Variants in TBKBP1 observed in about 807,000 individuals in gnomAD.
TBKBP1 encodes the protein TANK-binding kinase 1-binding protein 1.
Under a neutral mutation model 69.9 loss-of-function variants are expected in TBKBP1, and 47 were observed. The ratio of observed to expected loss-of-function variants is 0.67; its 90% CI spans 0.53 to 0.86. The LOEUF (loss-of-function observed/expected upper bound fraction) is 0.86. Among genes scored for constraint, TBKBP1 ranks in the 40% least tolerant of loss-of-function variants. The probability of loss-of-function intolerance (pLI) is 0.00; values close to 1 mark genes in which losing one functional copy is unlikely to be tolerated. For synonymous variants in TBKBP1, 418 were observed against 390.3 expected (o/e 1.07, Z -0.84); for missense variants, 831 against 858.6 (o/e 0.97, Z 0.40).
At position 47,696,093 on chromosome 17, in the gene TBKBP1, G is replaced by C; in HGVS notation, c.-20G>C. ...TGCTCTCCTAGGAGGCCCCGTGTGG[G>C]CCGCGGCCCGGCCCTCACCATGGAG... On this transcript the variant is annotated 5_prime_UTR_variant, in exon 2 of 10. Coordinates refer to ENST00000578982, the MANE Select transcript of TBKBP1 (RefSeq NM_001394755.1). 1 of 1,590,806 alleles carries C rather than the reference G, an allele frequency of 6.3e-7. No individual in the cohort carries two copies.
At chr17:47,701,381 T>A (rs9894233) in intron 7 of TBKBP1, among the ~76,000 whole-genome samples, 18,258 of 94,814 alleles carry the variant, frequency 0.19, 2,102 homozygotes, top group African/African-American at 0.4. Flanking sequence ...ACACACACTC[T>A]CTCTCTCTCT....
chr17:47,696,359 C>T lies in TBKBP1; in HGVS notation c.225+22C>T, dbSNP rs73315902. 128 of 1,608,044 alleles carry T rather than the reference C, an allele frequency of 8.0e-5. No homozygotes were observed. In the African/African-American group the frequency reaches 1.5e-3, roughly 18 times the overall value. ...CAAGGTCAGAACTTGGAGAGGAGGG[C>T]GCCTGATAGAGTGTATGGGATGGGG... On this transcript the variant is annotated intron_variant, in intron 2 of 9. Coordinates refer to ENST00000578982, the MANE Select transcript of TBKBP1 (RefSeq NM_001394755.1).
chr17:47,699,706 C>T lies in TBKBP1; in HGVS notation c.872+9C>T, dbSNP rs1340295906. On this transcript the variant is annotated intron_variant, in intron 7 of 9. Coordinates refer to ENST00000578982, the MANE Select transcript of TBKBP1 (RefSeq NM_001394755.1). ...AGAGTTGGGGATGATCAGTAAGTCA[C>T]ATTGGTAACCCTGGTCCCTCCGTGA... 6 of 1,613,858 alleles carry T rather than the reference C, an allele frequency of 3.7e-6. No individual in the cohort carries two copies. The highest frequency in any genetic ancestry group is 5.1e-6 in the Non-Finnish European group (6 of 1,179,896).
chr17:47,703,706 C>A (rs1177893839), intron 7 of TBKBP1, among the ~76,000 whole-genome samples: 1 of 152,228 alleles, frequency 6.6e-6, no homozygotes, highest in African/African-American at 2.4e-5. Flanking sequence ...AAGTTTCCCC[C>A]CTTCTCCACC....
chr17:47,696,417 T>A, intron 2 of TBKBP1, 80 bp downstream of exon 2: 1 of 1,481,206 alleles, frequency 6.8e-7, no homozygotes, highest in Non-Finnish European at 9.2e-7. Flanking sequence ...ATACCAGGGA[T>A]CCAAAAGAGG....
chr17:47,703,762 G>A (rs1555622826), intron 7 of TBKBP1, among the ~76,000 whole-genome samples: 3 of 148,470 alleles, frequency 2.0e-5, no homozygotes, highest in Middle Eastern at 3.4e-3. Context: ...TTTTGTCCAT[G>A]CCAGACACTA....
intron 7 of TBKBP1, among the ~76,000 whole-genome samples, chr17:47,704,504 T>G (rs941574019): frequency 3.9e-5 from 6 of 151,946 alleles, no homozygotes; most frequent in African/African-American, 1.5e-4. Context: ...CCCACAGGGG[T>G]GAGGTGGCTG....
intron 4 of TBKBP1, 81 bp from the exon 5 acceptor site, chr17:47,698,514 G>A (rs1466068759): frequency 1.4e-6 from 2 of 1,407,726 alleles, no homozygotes; most frequent in East Asian, 5.1e-5. Context: ...TGGGGCCTCT[G>A]CTGTAGTCTG....
intron 7 of TBKBP1, among the ~76,000 whole-genome samples, chr17:47,702,311 T>C (rs1162473292): frequency 6.6e-6 from 1 of 152,014 alleles, no homozygotes; most frequent in East Asian, 1.9e-4. Flanking sequence ...TGACCCAGGT[T>C]TGGGGTGTGA....
At chr17:47,704,058 A>G (rs1188201284) in intron 7 of TBKBP1, among the ~76,000 whole-genome samples, 2 of 152,174 alleles carry the variant, frequency 1.3e-5, no homozygotes, top group Non-Finnish European at 2.9e-5. Context: ...GAAAGGGGGC[A>G]CTATTAATAA....
At position 47,696,216 on chromosome 17, in the gene TBKBP1, A is replaced by G; in HGVS notation, c.104A>G (p.Asp35Gly). 6.2e-7 allele frequency: 1 copy of G among 1,613,658 alleles called. No homozygotes were observed. The change falls in exon 2 of 10, where the codon GAC becomes GGC. Residue 35 changes from aspartate (D) to glycine (G), a missense_variant. Physicochemically the swap from Asp to Gly is moderately conservative, Grantham distance 94. Transcript: ENST00000578982. ...CCCGGAGACCCCTCGCTTGGGGGCG[A>G]CATGTGCTCCGCCTCCCACTTTGCC... ...DSPGDPSLGG[D>G]MCSASHFALI...
At position 47,698,596 on chromosome 17, in the gene TBKBP1, G is replaced by T; in HGVS notation, c.455G>T (p.Arg152Met). Residue 152 changes from arginine to methionine, a missense_variant and splice_region_variant, in exon 5 of 10, where the codon AGG (arginine) becomes ATG (methionine). Physicochemically the swap from Arg to Met is moderately conservative, Grantham distance 91. Coordinates refer to ENST00000578982, the MANE Select transcript of TBKBP1 (RefSeq NM_001394755.1). ...CCTCCCCTCTGTCTCTCTCTCCAGA[G>T]GGCCCTGGTGGAGACGCACCTGCGT... ...SDLETELREM[R>M]ALVETHLRQI... 1 of 1,586,628 alleles carries T rather than the reference G, an allele frequency of 6.3e-7. No individual in the cohort carries two copies. The highest frequency in any genetic ancestry group is 2.3e-5 in the East Asian group (1 of 43,360).
At position 47,696,343 on chromosome 17, in the gene TBKBP1, A is replaced by G; in HGVS notation, c.225+6A>G. Reference sequence around the variant, plus strand: ...TCAAAGTCTACGAGATCAAGGTCAGAACTTGGAGAGGAGGGCGCCTGATAG... The same window carrying G: ...TCAAAGTCTACGAGATCAAGGTCAGGACTTGGAGAGGAGGGCGCCTGATAG... On this transcript the variant is annotated splice_donor_region_variant and intron_variant, in intron 2 of 9. Coordinates refer to ENST00000578982, the MANE Select transcript of TBKBP1 (RefSeq NM_001394755.1). The G allele has an allele frequency of 1.9e-6, 3 of 1,611,990 alleles. No homozygotes were observed. Among genetic ancestry groups the G allele is most frequent in the South Asian group, 1.1e-5 (1 of 91,064 alleles).
intron 4 of TBKBP1, among the ~76,000 whole-genome samples, chr17:47,697,730 G>A (rs2031306455): frequency 6.6e-6 from 1 of 152,090 alleles, no homozygotes; most frequent in Non-Finnish European, 1.5e-5. Context: ...ACTTTGGGAG[G>A]TTAAGGAGTT....
rs1164518071 is a variant in TBKBP1, at chr17:47,708,590, TG to T, written c.991+82del. 1 of 1,534,604 alleles carries T rather than the reference TG, an allele frequency of 6.5e-7. No homozygotes were observed. Among genetic ancestry groups the T allele is most frequent in the Non-Finnish European group, 8.9e-7 (1 of 1,121,820 alleles). ...GTAGCCATGGCAACCATCTTGGTCA[TG>T]GGGACCACCCTTTATTTCCTTTCCT... is the stretch of plus-strand genomic sequence containing the variant. On this transcript the variant is annotated intron_variant, in intron 8 of 9. Transcript: ENST00000578982. The surrounding 1 kb of genome is among the most constrained non-coding windows in gnomAD (Gnocchi z 4.4).
At chr17:47,697,469 G>A (rs1204475985) in intron 4 of TBKBP1, among the ~76,000 whole-genome samples, 1 of 152,176 alleles carries the variant, frequency 6.6e-6, no homozygotes, top group African/African-American at 2.4e-5. Flanking sequence ...CTGTGTGTAT[G>A]CCTGGCTGTC....
In TBKBP1 at chr17:47,709,095, C is replaced by A; in HGVS notation, c.1362C>A (p.Ala454=). Residue 454 remains alanine (A), a synonymous_variant, in exon 9 of 10, where the codon GCC becomes GCA. Coordinates refer to ENST00000578982, the MANE Select transcript of TBKBP1 (RefSeq NM_001394755.1). The stretch of plus-strand genomic sequence containing the variant: ...AGCCGCCCAGCCACCACGTGAAGGC[C>A]GGCTTCCAGGGCCGCCGCAGCTACT... ...YAKPPSHHVK[A]GFQGRRSYSE... 2 of 1,361,248 alleles carry A rather than the reference C, an allele frequency of 1.5e-6. No homozygotes were observed. Among genetic ancestry groups the A allele is most frequent in the South Asian group, 3.2e-5 (2 of 61,554 alleles). 84.3% of individuals were successfully genotyped at this position (1,361,248 alleles called of 1,614,324 possible). A position where few individuals can be genotyped will look rare whatever the true frequency, so the allele number is the denominator to read the frequency against.
Position 47,697,113 on chromosome 17 carries a change from G to C in TBKBP1, c.373G>C (p.Glu125Gln), listed in dbSNP as rs1792806021. Residue 125 changes from glutamate to glutamine, a missense_variant, in exon 4 of 10, where the codon GAA becomes CAA. Coordinates refer to ENST00000578982, the MANE Select transcript of TBKBP1 (RefSeq NM_001394755.1). ...HELQKNKEQE[E>Q]QLGEMIQAYE... Reference sequence around the variant, plus strand: ...GTTACAGAAGAACAAGGAGCAGGAAGAACAGCTTGGAGAGATGATCCAGGC... The same window carrying C: ...GTTACAGAAGAACAAGGAGCAGGAACAACAGCTTGGAGAGATGATCCAGGC... The C allele has an allele frequency of 1.2e-5, 20 of 1,612,480 alleles. No homozygotes were observed. The highest frequency in any genetic ancestry group is 1.6e-5 in the Non-Finnish European group (19 of 1,179,268).
Position 47,709,392 on chromosome 17 carries a change from G to C in TBKBP1, c.1659G>C (p.Glu553Asp), listed in dbSNP as rs1277592699. ...TCTGCGCGGGCTTCCCCATCCCCGA[G>C]TCGCCCGCCGCCACCGCCTACGCCC... ...ASFCAGFPIP[E>D]SPAATAYAHA... The change falls in exon 9 of 10, where the codon GAG becomes GAC. Residue 553 changes from glutamate to aspartate, a missense_variant. Transcript: ENST00000578982. 5 of 1,534,108 alleles carry C rather than the reference G, an allele frequency of 3.3e-6. No individual in the cohort carries two copies. The highest frequency in any genetic ancestry group is 4.4e-6 in the Non-Finnish European group (5 of 1,147,818).
Sources: gnomAD v4.1 joint callset for allele counts (sites outside exome capture counted in the v4.1 genomes callset) on GRCh38, gnomAD v4.1.1 for gene constraint, Gnocchi (gnomAD v3.1) non-coding constraint, MANE v1.5 for transcripts, NCBI Gene and HGNC (gene_info 2026-07-23, HGNC 2026-07-21) for gene names.